RSRC1: variants seen among roughly 807,000 people sequenced by gnomAD.
The protein encoded by RSRC1 is serine/Arginine-related protein 53.
RSRC1 carries 39 observed loss-of-function variants against 49.1 expected under a neutral mutation model. That is an observed-to-expected ratio of 0.79 (90% CI 0.61 to 1.04). The LOEUF (loss-of-function observed/expected upper bound fraction) is 1.04. RSRC1 is among the 50% of genes least tolerant of loss of function. The pLI, the probability that RSRC1 is intolerant of heterozygous loss-of-function variation, is 0.00. For synonymous variants in RSRC1, 143 were observed against 130.8 expected (o/e 1.09, Z -0.63); for missense variants, 388 against 402.4 (o/e 0.96, Z 0.31).
intron 3 of RSRC1, chr3:158,131,984 T>C (rs1716056844): frequency 4.5e-6 from 1 of 221,920 alleles, no homozygotes; most frequent in African/African-American, 2.2e-5. Context: ...CATTTTATTA[T>C]ATTTTATTTA....
intron 3 of RSRC1, among the ~76,000 whole-genome samples, chr3:158,170,210 C>G (rs1718790590): frequency 6.6e-6 from 1 of 151,654 alleles, no homozygotes; most frequent in Non-Finnish European, 1.5e-5. Flanking sequence ...TCTTTTGAGG[C>G]AGCTGTTGCA....
At position 158,544,279 on chromosome 3, in the gene RSRC1, A is replaced by G. The variant is rs1359067196; in HGVS notation, c.*4A>G. On this transcript the variant is annotated 3_prime_UTR_variant, in exon 10 of 10. Transcript: ENST00000611884. ...AATGGGCAGTCCTGTGGCCTAAGTA[A>G]TATACATATAGTTGGATTGGATTGT... The G allele has an allele frequency of 1.9e-6, 3 of 1,562,124 alleles. No homozygotes were observed. Among genetic ancestry groups the G allele is most frequent in the African/African-American group, 2.7e-5 (2 of 73,732 alleles).
intron 6 of RSRC1, among the ~76,000 whole-genome samples, chr3:158,360,868 G>T (rs978287850): frequency 6.6e-6 from 1 of 152,206 alleles, no homozygotes; most frequent in African/African-American, 2.4e-5. Flanking sequence ...ATGCTCAGGA[G>T]GGCAGGGCTG....
intron 5 of RSRC1, among the ~76,000 whole-genome samples, chr3:158,321,574 T>A (rs999636253): frequency 1.9e-4 from 28 of 147,238 alleles, no homozygotes; most frequent in South Asian, 6.6e-4. Flanking sequence ...TTTTTTTTTT[T>A]TAAACACACT....
At chr3:158,193,083 G>A (rs1364721155) in intron 3 of RSRC1, among the ~76,000 whole-genome samples, 2 of 151,734 alleles carry the variant, frequency 1.3e-5, no homozygotes, top group Non-Finnish European at 2.9e-5. Context: ...CAAATAACTT[G>A]TGTTGTTTCA....
chr3:158,311,801 A>G (rs182310762), intron 5 of RSRC1, among the ~76,000 whole-genome samples: 1 of 152,262 alleles, frequency 6.6e-6, no homozygotes, highest in Non-Finnish European at 1.5e-5. Flanking sequence ...GTATACATAT[A>G]TCAAAACATC....
chr3:158,210,843 A>G (rs1397722706), intron 4 of RSRC1, among the ~76,000 whole-genome samples: 2 of 152,096 alleles, frequency 1.3e-5, no homozygotes, highest in Admixed American at 6.6e-5. Flanking sequence ...TCTTTTATAC[A>G]TTATATCAGT....
chr3:158,248,712 C>G (rs1002986064), intron 4 of RSRC1, among the ~76,000 whole-genome samples: 1 of 151,970 alleles, frequency 6.6e-6, no homozygotes, highest in African/African-American at 2.4e-5. Flanking sequence ...ATTCTCCTGC[C>G]TCAGCCTCCT....
chr3:158,500,970 G>C (rs1739567484), intron 7 of RSRC1, among the ~76,000 whole-genome samples: 2 of 151,878 alleles, frequency 1.3e-5, no homozygotes, highest in Non-Finnish European at 2.9e-5. Flanking sequence ...TTTGTGCTCT[G>C]TCAGTCTTTT....
At chr3:158,411,879 T>A (rs1023285780) in intron 6 of RSRC1, among the ~76,000 whole-genome samples, 8 of 152,156 alleles carry the variant, frequency 5.3e-5, no homozygotes, top group Non-Finnish European at 8.8e-5. Flanking sequence ...TTACAACTAA[T>A]AAATATTTAT....
At chr3:158,383,375 C>T (rs1732806401) in intron 6 of RSRC1, among the ~76,000 whole-genome samples, 1 of 152,040 alleles carries the variant, frequency 6.6e-6, no homozygotes, top group South Asian at 2.1e-4. Context: ...CTTGAGTATT[C>T]GAGAATACTG....
chr3:158,414,053 T>C (rs1333202421), intron 6 of RSRC1, among the ~76,000 whole-genome samples: 1 of 152,166 alleles, frequency 6.6e-6, no homozygotes, highest in Non-Finnish European at 1.5e-5. Context: ...TTACTGGGTA[T>C]ATACCCAAAG....
intron 3 of RSRC1, among the ~76,000 whole-genome samples, chr3:158,190,052 C>T (rs901363592): frequency 9.9e-5 from 15 of 151,812 alleles, no homozygotes; most frequent in African/African-American, 3.6e-4. Context: ...ATGGCCAACA[C>T]ACTTTTTTCC....
chr3:158,433,930 A>G (rs1253973210), intron 6 of RSRC1, among the ~76,000 whole-genome samples: 1 of 151,984 alleles, frequency 6.6e-6, no homozygotes, highest in Non-Finnish European at 1.5e-5. Context: ...ATTCTCTGAA[A>G]AATGTTAAAT....
At chr3:158,511,413 A>G (rs1490338260) in intron 7 of RSRC1, among the ~76,000 whole-genome samples, 6 of 151,996 alleles carry the variant, frequency 3.9e-5, no homozygotes, top group Non-Finnish European at 7.4e-5. Context: ...GAGAATGATG[A>G]TTTCCAATTT....
At chr3:158,206,278 G>C (rs1230460192) in intron 4 of RSRC1, among the ~76,000 whole-genome samples, 5 of 152,188 alleles carry the variant, frequency 3.3e-5, no homozygotes, top group African/African-American at 1.2e-4. Flanking sequence ...ACTTCAAGCT[G>C]GTTGATCTTA....
intron 5 of RSRC1, among the ~76,000 whole-genome samples, chr3:158,348,758 C>G (rs1011492359): frequency 2.0e-5 from 3 of 152,040 alleles, no homozygotes; most frequent in African/African-American, 7.2e-5. Flanking sequence ...TTTGGAATCT[C>G]TAGAGCCTGT....
At chr3:158,386,094 A>G (rs978866113) in intron 6 of RSRC1, among the ~76,000 whole-genome samples, 22 of 152,074 alleles carry the variant, frequency 1.4e-4, no homozygotes, top group Non-Finnish European at 2.6e-4. Context: ...AGATTTAGGG[A>G]TGATTACAAG....
At chr3:158,147,928 A>T (rs533651787) in intron 3 of RSRC1, among the ~76,000 whole-genome samples, 2 of 152,280 alleles carry the variant, frequency 1.3e-5, no homozygotes, top group South Asian at 2.1e-4. Flanking sequence ...TAATATTTTT[A>T]AAAATGCAAT....
Sources: gnomAD v4.1 joint callset for allele counts (sites outside exome capture counted in the v4.1 genomes callset) on GRCh38, gnomAD v4.1.1 for gene constraint, MANE v1.5 for transcripts, NCBI Gene and HGNC (gene_info 2026-07-23, HGNC 2026-07-21) for gene names.